TBK1: variants seen among roughly 807,000 people sequenced by gnomAD.
TBK1 encodes the protein serine/threonine-protein kinase TBK1.
TBK1 carries 37 observed loss-of-function variants against 99.9 expected under a neutral mutation model. That is an observed-to-expected ratio of 0.37 (90% CI 0.28 to 0.49). The LOEUF (loss-of-function observed/expected upper bound fraction) is 0.49. Ranked by LOEUF, TBK1 falls within the 20% of genes least tolerant of loss-of-function variation. The probability of loss-of-function intolerance (pLI) is 0.98; values close to 1 mark genes in which losing one functional copy is unlikely to be tolerated. For synonymous variants in TBK1, 258 were observed against 279.8 expected (o/e 0.92, Z 0.78); for missense variants, 644 against 872.5 (o/e 0.74, Z 3.30).
intron 20 of TBK1, among the ~76,000 whole-genome samples, chr12:64,500,683 A>C (rs922294165): frequency 2.0e-5 from 3 of 151,624 alleles, no homozygotes; most frequent in Admixed American, 6.6e-5. Flanking sequence ...GCTCCCCAAA[A>C]TAACATTGTG....
chr12:64,474,460 G>T (rs1341097800), intron 6 of TBK1, 70 bp downstream of exon 6: 16 of 1,438,858 alleles, frequency 1.1e-5, no homozygotes, highest in Non-Finnish European at 1.2e-5. Flanking sequence ...TCATCTTATT[G>T]TTAGTGGTTT....
At chr12:64,460,708 C>T (rs910639762) in intron 3 of TBK1, among the ~76,000 whole-genome samples, 2 of 151,664 alleles carry the variant, frequency 1.3e-5, no homozygotes, top group Non-Finnish European at 2.9e-5. Flanking sequence ...GTGGTGCGCA[C>T]CTGTAGTTCC....
chr12:64,458,821 G>A (rs1411853575), intron 2 of TBK1, among the ~76,000 whole-genome samples: 2 of 152,118 alleles, frequency 1.3e-5, no homozygotes, highest in Non-Finnish European at 1.5e-5. Context: ...ATTTGGCAGT[G>A]TCTTAACCCT....
At chr12:64,458,063 A>G (rs987140331) in intron 2 of TBK1, among the ~76,000 whole-genome samples, 16 of 150,670 alleles carry the variant, frequency 1.1e-4, no homozygotes, top group African/African-American at 3.4e-4. Flanking sequence ...CCTGGGCAAC[A>G]TGGCAAAACC....
Position 64,497,252 on chromosome 12 carries a change from C to A in TBK1, c.1952C>A (p.Thr651Asn), listed in dbSNP as rs1592376939. The change falls in exon 18 of 21, where the codon ACT (threonine) becomes AAT (asparagine). Residue 651 changes from threonine (T) to asparagine (N), a missense_variant. By Grantham distance (65) the Thr-to-Asn change is moderately conservative (BLOSUM62 0). Transcript: ENST00000331710. ...EEEVSKYQEY[T>N]NELQETLPQK... ...GAAGTATCAAAATATCAAGAATATA[C>A]TAATGAGGTAGGTACAGCTGTCAAG... 1 of 1,577,716 alleles carries A rather than the reference C, an allele frequency of 6.3e-7. No homozygotes were observed. The highest frequency in any genetic ancestry group is 1.8e-5 in the Admixed American group (1 of 55,668).
At chr12:64,464,097 C>T (rs375424264) in intron 3 of TBK1, among the ~76,000 whole-genome samples, 22 of 152,028 alleles carry the variant, frequency 1.4e-4, no homozygotes, top group Non-Finnish European at 3.1e-4. Context: ...CTCTTGACCT[C>T]GTGATCCGCC....
At chr12:64,485,320 G>GT (rs1251825027) in intron 9 of TBK1, 135 bp from the exon 10 acceptor site, 2 of 468,400 alleles carry the variant, frequency 4.3e-6, no homozygotes, top group African/African-American at 2.0e-5. Flanking sequence ...TTGAAGTGGT[G>GT]TTTTTTTAAT....
At chr12:64,481,375 T>G (rs1192166100) in intron 7 of TBK1, among the ~76,000 whole-genome samples, 2 of 152,182 alleles carry the variant, frequency 1.3e-5, no homozygotes, top group Non-Finnish European at 2.9e-5. Flanking sequence ...AAAAATTGCT[T>G]AGATGCCAGA....
chr12:64,465,068 C>G (rs1263600011), intron 4 of TBK1, among the ~76,000 whole-genome samples: 1 of 151,250 alleles, frequency 6.6e-6, no homozygotes, highest in Non-Finnish European at 1.5e-5. Context: ...ACACAGTGAG[C>G]CCCTGTCTCT....
At chr12:64,469,294 G>A (rs1331223275) in intron 5 of TBK1, among the ~76,000 whole-genome samples, 1 of 151,930 alleles carries the variant, frequency 6.6e-6, no homozygotes, top group East Asian at 1.9e-4. Context: ...GTGAATGTAA[G>A]CTCCACAAAA....
chr12:64,483,045 C>T (rs2040783222), intron 8 of TBK1, among the ~76,000 whole-genome samples: 1 of 152,166 alleles, frequency 6.6e-6, no homozygotes, highest in African/African-American at 2.4e-5. Context: ...TTTCTTAGAA[C>T]TGCATGTGAA....
At chr12:64,469,495 T>G (rs540834171) in intron 5 of TBK1, among the ~76,000 whole-genome samples, 2 of 152,350 alleles carry the variant, frequency 1.3e-5, no homozygotes, top group East Asian at 3.9e-4. Flanking sequence ...GTTGGTGGTC[T>G]TCTCAGTTAT....
intron 6 of TBK1, 99 bp downstream of exon 6, chr12:64,474,489 T>A: frequency 1.7e-6 from 2 of 1,167,546 alleles, no homozygotes; most frequent in Non-Finnish European, 1.2e-6. Context: ...AAAAATTGAT[T>A]TAACAATCAT....
intron 13 of TBK1, among the ~76,000 whole-genome samples, chr12:64,494,606 A>G (rs550021863): frequency 7.9e-5 from 12 of 152,384 alleles, no homozygotes; most frequent in Middle Eastern, 6.8e-3. Context: ...AAAATAGTCA[A>G]TCTGCAAAAA....
rs1363100833 is a variant in TBK1 at position 64,484,442 on chromosome 12, C to A, written c.1132C>A (p.Pro378Thr). 6.2e-7 allele frequency: 1 copy of A among 1,614,014 alleles called. No homozygotes were observed. The highest frequency in any genetic ancestry group is 8.5e-7 in the Non-Finnish European group (1 of 1,179,984). Residue 378 changes from proline (P) to threonine (T), a missense_variant, in exon 9 of 21, where the codon CCT (proline) becomes ACT (threonine). Physicochemically the swap from Pro to Thr is conservative, Grantham distance 38. Transcript: ENST00000331710. ...TTTCCCTAAAACTACTGAGGAAAAC[C>A]CTATATTTGTAGTAAGCCGGGAACC... is the stretch of plus-strand genomic sequence containing the variant. ...QHFPKTTEEN[P>T]IFVVSREPLN...
Position 64,452,159 on chromosome 12 carries a change from C to G in TBK1, c.-60C>G, listed in dbSNP as rs1040326486. ...TCTCGAGGAGGCCGCGGGAGCCCGC[C>G]GGCGGTGGCGCGGCGGAGACCCGGC... On this transcript the variant is annotated 5_prime_UTR_variant, in exon 1 of 21. Coordinates refer to ENST00000331710, the MANE Select transcript of TBK1 (RefSeq NM_013254.4). The G allele has an allele frequency of 6.6e-6, 1 of 152,270 alleles. No individual in the cohort carries two copies. The highest frequency in any genetic ancestry group is 2.4e-5 in the African/African-American group (1 of 41,448). 9.4% of individuals were successfully genotyped at this position (152,270 alleles called of 1,614,324 possible). A position where few individuals can be genotyped will look rare whatever the true frequency, so the allele number is the denominator to read the frequency against.
At chr12:64,460,055 T>TACAG (rs2040529303) in intron 2 of TBK1, 134 bp from the exon 3 acceptor site, 1 of 522,200 alleles carries the variant, frequency 1.9e-6, no homozygotes, top group South Asian at 6.0e-5. Flanking sequence ...AAAGTCCTCA[T>TACAG]ACAGATTCCC....
At chr12:64,463,698 CAAAAAA>C (rs58483035) in intron 3 of TBK1, among the ~76,000 whole-genome samples, 2 of 128,134 alleles carry the variant, frequency 1.6e-5, no homozygotes, top group Non-Finnish European at 3.2e-5. Flanking sequence ...GACTCTGTCT[CAAAAAA>C]AAAAAAAAAG....
chr12:64,485,560 T>G, intron 10 of TBK1, 47 bp downstream of exon 10: 1 of 976,956 alleles, frequency 1.0e-6, no homozygotes, highest in South Asian at 1.7e-5. Context: ...ATTTAATGTA[T>G]CCTATCAATA....
Sources: allele counts gnomAD v4.1 joint callset (sites outside exome capture counted in the v4.1 genomes callset), GRCh38; gene constraint gnomAD v4.1.1; transcripts MANE v1.5; gene names NCBI Gene and HGNC (gene_info 2026-07-23, HGNC 2026-07-21).